CLASP2: variants seen among roughly 807,000 people sequenced by gnomAD.
CLASP2 encodes cytoplasmic linker associated protein 2.
CLASP2 carries 47 observed loss-of-function variants against 194.4 expected under a neutral mutation model. The ratio of observed to expected loss-of-function variants is 0.24; its 90% CI spans 0.19 to 0.31. The LOEUF (loss-of-function observed/expected upper bound fraction) is 0.31. CLASP2 is among the 10% of genes least tolerant of loss of function. The pLI, the probability that CLASP2 is intolerant of heterozygous loss-of-function variation, is 1.00. For missense variants in CLASP2, 1,445 were observed against 1,823.6 expected (o/e 0.79, Z 3.78); for synonymous variants, 619 against 633.5 (o/e 0.98, Z 0.34).
intron 8 of CLASP2, 88 bp downstream of exon 8, chr3:33,644,669 T>A: frequency 1.4e-6 from 2 of 1,421,622 alleles, no homozygotes; most frequent in Non-Finnish European, 2.0e-6. Flanking sequence ...CAGTCATGAA[T>A]AAACATATTC....
At chr3:33,675,025 C>A (rs2088236135) in intron 6 of CLASP2, among the ~76,000 whole-genome samples, 1 of 152,144 alleles carries the variant, frequency 6.6e-6, no homozygotes, top group African/African-American at 2.4e-5. Context: ...GGAGCTGGTA[C>A]CATTCCTTCT....
At chr3:33,519,240 T>C (rs1023569220) in intron 34 of CLASP2, among the ~76,000 whole-genome samples, 1 of 152,202 alleles carries the variant, frequency 6.6e-6, no homozygotes, top group African/African-American at 2.4e-5. Context: ...CTTTCCTGAA[T>C]AACTGCACTA....
chr3:33,498,629 C>T lies in CLASP2; in HGVS notation c.*2G>A. The T allele has an allele frequency of 4.4e-6, 7 of 1,604,014 alleles. No individual in the cohort carries two copies. Among genetic ancestry groups the T allele is most frequent in the Non-Finnish European group, 6.0e-6 (7 of 1,172,146 alleles). ...AGACCTGGTTCGCTGTGATGAGCTTCACTAACTTTGTCCAGAAACATCAGT... is the reference window on the plus strand; with the variant it reads ...AGACCTGGTTCGCTGTGATGAGCTTTACTAACTTTGTCCAGAAACATCAGT... On this transcript the variant is annotated 3_prime_UTR_variant, in exon 39 of 39. Transcript: ENST00000682230.
intron 34 of CLASP2, among the ~76,000 whole-genome samples, chr3:33,528,808 AAGAAAGAAAGAG>A (rs1222229288): frequency 6.6e-6 from 1 of 151,992 alleles, no homozygotes; most frequent in East Asian, 1.9e-4. Context: ...GAAAGAAAGG[AAGAAAGAAAGAG>A]AGAAAGAAAG....
intron 12 of CLASP2, among the ~76,000 whole-genome samples, chr3:33,615,509 G>GA (rs1353040584): frequency 1.3e-5 from 2 of 150,090 alleles, no homozygotes; most frequent in East Asian, 2.0e-4. Flanking sequence ...AGAACTGTTA[G>GA]AAAAATGAAA....
chr3:33,621,081 G>A (rs1270431773), intron 11 of CLASP2, among the ~76,000 whole-genome samples: 2 of 151,136 alleles, frequency 1.3e-5, no homozygotes, highest in East Asian at 1.9e-4. Flanking sequence ...ACTGCCAATT[G>A]TGACCACTTC....
chr3:33,659,137 C>A, intron 7 of CLASP2: 1 of 1,410,382 alleles, frequency 7.1e-7, no homozygotes, highest in Non-Finnish European at 9.2e-7. Flanking sequence ...CTCTGCACCG[C>A]AATAGCCAAC....
At chr3:33,550,346 T>A (rs1436007203) in intron 30 of CLASP2, among the ~76,000 whole-genome samples, 1 of 134,006 alleles carries the variant, frequency 7.5e-6, no homozygotes, top group South Asian at 2.3e-4. Context: ...AGTGAGCCAG[T>A]ATCATGCCAC....
At chr3:33,520,820 TACACACACAC>T (rs57151303) in intron 34 of CLASP2, among the ~76,000 whole-genome samples, 1,575 of 142,444 alleles carry the variant, frequency 0.011, 25 homozygotes, top group East Asian at 0.067. Context: ...TGTAAATCTC[TACACACACAC>T]ACACACACAC....
chr3:33,678,571 GAAGA>G (rs1015239114), intron 6 of CLASP2, among the ~76,000 whole-genome samples: 20 of 152,046 alleles, frequency 1.3e-4, no homozygotes, highest in Admixed American at 2.0e-4. Flanking sequence ...TAAAAGTAAA[GAAGA>G]AATAAAGACT....
chr3:33,571,327 T>G (rs2154193174), intron 25 of CLASP2, among the ~76,000 whole-genome samples: 1 of 151,740 alleles, frequency 6.6e-6, no homozygotes, highest in South Asian at 2.1e-4. Flanking sequence ...TCTATAAATT[T>G]TTAACAAAAC....
At chr3:33,581,080 C>A (rs1346720596) in intron 23 of CLASP2, among the ~76,000 whole-genome samples, 1 of 145,448 alleles carries the variant, frequency 6.9e-6, no homozygotes, top group African/African-American at 2.5e-5. Flanking sequence ...AAAATGGCTA[C>A]AGGCTTGTGC....
At chr3:33,534,103 C>T (rs992165710) in intron 34 of CLASP2, among the ~76,000 whole-genome samples, 1 of 152,012 alleles carries the variant, frequency 6.6e-6, no homozygotes, top group African/African-American at 2.4e-5. Context: ...CTGACAGCAA[C>T]ATTATGGGAA....
In CLASP2 at chr3:33,641,743, G is replaced by T. The variant is rs1023704015; in HGVS notation, c.862+3014C>A. On this transcript the variant is annotated intron_variant, in intron 8 of 38. Transcript: ENST00000682230. The stretch of plus-strand genomic sequence containing the variant: ...CAGATTAAGTCACGATTCCAAAGAA[G>T]CTCACTGTATTTTTTTTTTTTTATT... 2.0e-5 allele frequency among the ~76,000 whole-genome samples: 3 copies of T among 151,558 alleles called. No homozygotes were observed. In the South Asian group the frequency reaches 6.2e-4, roughly 32 times the overall value.
rs2058692925 is a variant in CLASP2, at chr3:33,543,459, A to G, written c.3378T>C (p.Asn1126=). 1.2e-6 allele frequency: 2 copies of G among 1,607,442 alleles called. No homozygotes were observed. The highest frequency in any genetic ancestry group is 2.7e-5 in the African/African-American group (2 of 74,898). ...NWSSPLTSPT[N]TSQNTLSPSA... is the part of the protein sequence containing the mutation. ...TTGGAGATAAAGTATTCTGTGATGT[A>G]TTGGTAGGAGAAGTAAGAGGACTGG... The change falls in exon 32 of 39, where the codon AAT becomes AAC. Residue 1126 remains asparagine (N), a synonymous_variant. Transcript: ENST00000682230.
At chr3:33,598,451 C>T (rs1212773970) in intron 18 of CLASP2, among the ~76,000 whole-genome samples, 3 of 152,146 alleles carry the variant, frequency 2.0e-5, no homozygotes, top group Admixed American at 2.0e-4. Context: ...GCTCACCCTT[C>T]CACATTCAAG....
chr3:33,617,953 T>TATATA (rs1559402199), intron 12 of CLASP2, among the ~76,000 whole-genome samples: 2 of 79,538 alleles, frequency 2.5e-5, no homozygotes, highest in African/African-American at 1.3e-4. Flanking sequence ...ATATATATAT[T>TATATA]TTTTTTTTTT....
intron 23 of CLASP2, among the ~76,000 whole-genome samples, chr3:33,578,313 T>C (rs1233643986): frequency 1.3e-5 from 2 of 152,220 alleles, no homozygotes; most frequent in Non-Finnish European, 2.9e-5. Flanking sequence ...ATTTGTGACA[T>C]ATCTCCCTAT....
At chr3:33,658,335 T>G in intron 7 of CLASP2, among the ~76,000 whole-genome samples, 1 of 152,178 alleles carries the variant, frequency 6.6e-6, no homozygotes, top group East Asian at 1.9e-4. Context: ...TTTGGAGAAC[T>G]ATAATGCCTA....
Sources: gnomAD v4.1 joint callset for allele counts (sites outside exome capture counted in the v4.1 genomes callset) on GRCh38, gnomAD v4.1.1 for gene constraint, MANE v1.5 for transcripts, NCBI Gene and HGNC (gene_info 2026-07-23, HGNC 2026-07-21) for gene names.